Variants in GSDME observed in about 807,000 individuals in gnomAD.
GSDME encodes gasdermin E, also known as gasdermin-E.
GSDME carries 44 observed loss-of-function variants against 47.5 expected under a neutral mutation model. That is an observed-to-expected ratio of 0.93 (90% CI 0.73 to 1.19). The LOEUF is 1.19. GSDME is among the 50% of genes most tolerant of loss of function. The probability of loss-of-function intolerance (pLI) is 0.00; values close to 1 mark genes in which losing one functional copy is unlikely to be tolerated. For missense variants in GSDME, 663 were observed against 604.2 expected, an observed-to-expected ratio of 1.10 and a Z score of -1.02; for synonymous variants, 258 against 252.8, an observed-to-expected ratio of 1.02 and a Z score of -0.20.
chr7:24,718,715 C>G (rs1789661536), intron 4 of GSDME, among the ~76,000 whole-genome samples: 1 of 152,142 alleles, frequency 6.6e-6, no homozygotes, highest in Non-Finnish European at 1.5e-5. Flanking sequence ...AGTCCTAGGC[C>G]CCCCTCACCC....
Position 24,712,973 on chromosome 7 carries a change from G to T in GSDME, c.698-2585C>A, listed in dbSNP as rs760233312. ...GCGGAGGTTGTGGTGAGCCAAGATC[G>T]CACCATTGTACTCCAGCCTGGGCAA... is the stretch of plus-strand genomic sequence containing the variant. On this transcript the variant is annotated intron_variant, in intron 5 of 9. Coordinates refer to ENST00000645220, the MANE Select transcript of GSDME (RefSeq NM_001127453.2). The surrounding 1 kb of genome is among the most constrained non-coding windows in gnomAD (Gnocchi z 4.4). Among the ~76,000 whole-genome samples the T allele has an allele frequency of 2.7e-5, 4 of 149,114 alleles. No homozygotes were observed. The highest frequency in any genetic ancestry group is 5.9e-5 in the Non-Finnish European group (4 of 67,700).
At chr7:24,782,653 C>A in the GSDME span, among the ~76,000 whole-genome samples, 2 of 152,214 alleles carry the variant, frequency 1.3e-5, no homozygotes, top group Non-Finnish European at 2.9e-5. Flanking sequence ...CTGTCTTCCA[C>A]AATGGTTGAA....
chr7:24,771,868 A>C, the GSDME span, among the ~76,000 whole-genome samples: 1 of 152,296 alleles, frequency 6.6e-6, no homozygotes, highest in Admixed American at 6.5e-5. The surrounding 1 kb of genome is among the most constrained non-coding windows in gnomAD (Gnocchi z 4.1). Flanking sequence ...GTCCTAGTCA[A>C]TCCTGTTCCA....
chr7:24,711,092 A>T (rs553875521), intron 5 of GSDME, among the ~76,000 whole-genome samples: 4 of 152,020 alleles, frequency 2.6e-5, no homozygotes, highest in Non-Finnish European at 5.9e-5. Context: ...GAGGAAGGAG[A>T]TGGTGAAGTT....
upstream of GSDME, among the ~76,000 whole-genome samples, chr7:24,759,845 T>C (rs1791139337): frequency 6.6e-6 from 1 of 152,222 alleles, no homozygotes; most frequent in African/African-American, 2.4e-5. Context: ...GGTGGGGGGA[T>C]GAAAAGGTTC....
rs1790423084 is a variant in GSDME, at chr7:24,739,641, A to G, written c.404+4921T>C. ...TCCAACTGCTGGATATGTACCCAAA[A>G]GAAAGGAAATCAGTATACTGAGGAG... On this transcript the variant is annotated intron_variant, in intron 3 of 9. Coordinates refer to ENST00000645220, the MANE Select transcript of GSDME (RefSeq NM_001127453.2). The surrounding 1 kb of genome is among the most constrained non-coding windows in gnomAD (Gnocchi z 5.1). 6.6e-6 allele frequency among the ~76,000 whole-genome samples: 1 copy of G among 152,238 alleles called. No homozygotes were observed.
intron 8 of GSDME, chr7:24,704,569 GA>G (rs1789015271): frequency 6.6e-6 from 1 of 152,182 alleles, no homozygotes; most frequent in Non-Finnish European, 1.5e-5. Flanking sequence ...TCACAGTTCA[GA>G]AAAATAAAGG....
rs185811965 is a variant in GSDME at position 24,748,524 on chromosome 7, G to A, written c.211+1040C>T. ...AGAAATAAAAGGCTACAAACCAAGTGTCAACGGGAATTAACACATGATGGT... is the reference window on the plus strand; with the variant it reads ...AGAAATAAAAGGCTACAAACCAAGTATCAACGGGAATTAACACATGATGGT... On this transcript the variant is annotated intron_variant, in intron 2 of 9. Transcript: ENST00000645220. Among the ~76,000 whole-genome samples the A allele has an allele frequency of 8.8e-4, 134 of 152,260 alleles. 1 individual carries two copies. The Middle Eastern group carries it at 0.01, about 12-fold the overall frequency.
intron 5 of GSDME, among the ~76,000 whole-genome samples, chr7:24,713,640 G>C (rs1325534803): frequency 6.6e-6 from 1 of 152,206 alleles, no homozygotes; most frequent in Non-Finnish European, 1.5e-5. Context: ...GGGAAGGCAC[G>C]AGACCCATGC....
At chr7:24,709,845 T>G (rs1789276549) in intron 6 of GSDME, among the ~76,000 whole-genome samples, 2 of 152,102 alleles carry the variant, frequency 1.3e-5, no homozygotes, top group South Asian at 4.1e-4. Context: ...GCCCAGAATA[T>G]AACAAAACAG....
Position 24,735,805 on chromosome 7 carries a change from A to C in GSDME, c.404+8757T>G, listed in dbSNP as rs917648752. Among the ~76,000 whole-genome samples, 7 of 146,150 alleles carry C rather than the reference A, an allele frequency of 4.8e-5. No individual in the cohort carries two copies. Among genetic ancestry groups the C allele is most frequent in the Non-Finnish European group, 1.1e-4 (7 of 65,872 alleles). On this transcript the variant is annotated intron_variant, in intron 3 of 9. Coordinates refer to ENST00000645220, the MANE Select transcript of GSDME (RefSeq NM_001127453.2). This position sits in a 1 kb window ranked among gnomAD's most constrained non-coding sequence, Gnocchi z 4.4. ...TAAATAAATAAATAAATAAATAAAT[A>C]AAACTACAAAAACTTTTCAAGACAT...
At position 24,698,573 on chromosome 7, in the gene GSDME, C is replaced by CATCA. The variant is rs1223986635; in HGVS notation, c.*449_*452dup. On this transcript the variant is annotated 3_prime_UTR_variant, in exon 10 of 10. Transcript: ENST00000645220. ...GGAGCATTTACAGTTCATTTTCAGT[C>CATCA]ATCAAATAACATACATCACTTCCAA... 20 of 239,262 alleles carry CATCA rather than the reference C, an allele frequency of 8.4e-5. No homozygotes were observed. In the East Asian group the frequency reaches 2.2e-3, roughly 26 times the overall value. 14.8% of individuals were successfully genotyped at this position (239,262 alleles called of 1,614,324 possible).
chr7:24,792,328 G>T, the GSDME span, among the ~76,000 whole-genome samples: 1 of 152,292 alleles, frequency 6.6e-6, no homozygotes, highest in East Asian at 1.9e-4. Flanking sequence ...GACCAATTAT[G>T]GCATAAAAGC....
chr7:24,789,302 G>A, the GSDME span, among the ~76,000 whole-genome samples: 23 of 152,012 alleles, frequency 1.5e-4, no homozygotes, highest in African/African-American at 5.6e-4. Flanking sequence ...GTAGCAGGAC[G>A]AGCCACAGAC....
chr7:24,762,668 C>T (rs1192725087), upstream of GSDME, among the ~76,000 whole-genome samples: 8 of 151,834 alleles, frequency 5.3e-5, no homozygotes, highest in African/African-American at 1.2e-4. Flanking sequence ...TGTAGTATAG[C>T]GGGAAAGGCA....
chr7:24,793,982 G>A, the GSDME span, among the ~76,000 whole-genome samples: 12,120 of 152,328 alleles, frequency 0.08, 653 homozygotes, highest in South Asian at 0.13. Context: ...AGTGGTCTCA[G>A]TGCTTTCGGG....
intron 5 of GSDME, among the ~76,000 whole-genome samples, chr7:24,713,125 G>A (rs1187716606): frequency 6.6e-6 from 1 of 152,104 alleles, no homozygotes; most frequent in Non-Finnish European, 1.5e-5. Flanking sequence ...TTAAATTTGA[G>A]TACTTTTTTG....
chr7:24,774,156 A>G, the GSDME span, among the ~76,000 whole-genome samples: 1 of 152,112 alleles, frequency 6.6e-6, no homozygotes, highest in South Asian at 2.1e-4. Context: ...CAAAGAAGTC[A>G]TCTCTTTCCA....
chr7:24,771,404 G>A, the GSDME span, among the ~76,000 whole-genome samples: 3 of 152,176 alleles, frequency 2.0e-5, no homozygotes, highest in Non-Finnish European at 2.9e-5. This position sits in a 1 kb window ranked among gnomAD's most constrained non-coding sequence, Gnocchi z 4.1. Flanking sequence ...CTATCATATT[G>A]TGTTATGTTA....
Sources: allele counts gnomAD v4.1 joint callset (sites outside exome capture counted in the v4.1 genomes callset), GRCh38; gene constraint gnomAD v4.1.1; non-coding constraint Gnocchi (gnomAD v3.1); transcripts MANE v1.5; gene names NCBI Gene and HGNC (gene_info 2026-07-23, HGNC 2026-07-21).